Variants in BMPER observed in about 807,000 individuals in gnomAD.
The protein encoded by BMPER is BMP-binding endothelial regulator protein.
In BMPER, 45 loss-of-function variants were observed where a neutral mutation model predicts 87.3. The ratio of observed to expected loss-of-function variants is 0.52; its 90% confidence interval spans 0.41 to 0.66. The LOEUF (loss-of-function observed/expected upper bound fraction) is 0.66. BMPER is among the 30% of genes least tolerant of loss of function. The pLI is 0.00. For synonymous variants in BMPER, 326 were observed against 316.2 expected (o/e 1.03, Z -0.33); for missense variants, 784 against 867.5 (o/e 0.90, Z 1.21).
intron 11 of BMPER, among the ~76,000 whole-genome samples, chr7:34,069,449 A>G (rs1056648794): frequency 6.6e-6 from 1 of 152,232 alleles, no homozygotes; most frequent in Non-Finnish European, 1.5e-5. Flanking sequence ...AGTCCATATC[A>G]GTCAGGTATT....
intron 13 of BMPER, among the ~76,000 whole-genome samples, chr7:34,089,256 A>G (rs1475873755): frequency 2.6e-5 from 4 of 152,140 alleles, no homozygotes; most frequent in Non-Finnish European, 5.9e-5. Flanking sequence ...AACACACCCA[A>G]ATAACTTTCT....
intron 6 of BMPER, among the ~76,000 whole-genome samples, chr7:34,030,132 A>G (rs1200706943): frequency 6.6e-6 from 1 of 152,084 alleles, no homozygotes; most frequent in Admixed American, 6.5e-5. Flanking sequence ...TTTGAAGACC[A>G]TATTATTTGA....
chr7:34,009,435 C>G (rs1786820900), intron 6 of BMPER, among the ~76,000 whole-genome samples: 1 of 151,862 alleles, frequency 6.6e-6, no homozygotes, highest in Non-Finnish European at 1.5e-5. Flanking sequence ...GGGGAAGAGT[C>G]TCCACTTGTT....
chr7:34,034,605 G>A (rs1200419167), intron 6 of BMPER, among the ~76,000 whole-genome samples: 2 of 152,204 alleles, frequency 1.3e-5, no homozygotes, highest in Admixed American at 1.3e-4. Context: ...AGTGGCAAGG[G>A]CCAATATCAC....
chr7:34,054,897 C>T (rs937010967), intron 8 of BMPER, among the ~76,000 whole-genome samples: 3 of 152,118 alleles, frequency 2.0e-5, no homozygotes, highest in African/African-American at 7.2e-5. Context: ...GGAGTGGGCT[C>T]ATCAGTCTCT....
At chr7:34,078,490 GTTTA>G (rs1788923945) in intron 11 of BMPER, among the ~76,000 whole-genome samples, 1 of 152,060 alleles carries the variant, frequency 6.6e-6, no homozygotes, top group Non-Finnish European at 1.5e-5. Flanking sequence ...GCTCCCATTT[GTTTA>G]TTTATATACT....
At chr7:34,070,503 A>G (rs1788709020) in intron 11 of BMPER, among the ~76,000 whole-genome samples, 1 of 152,044 alleles carries the variant, frequency 6.6e-6, no homozygotes, top group African/African-American at 2.4e-5. Context: ...TGTAATCTCC[A>G]TCTCTCTTCT....
intron 14 of BMPER, among the ~76,000 whole-genome samples, chr7:34,149,362 G>A (rs979284972): frequency 1.3e-5 from 2 of 152,286 alleles, no homozygotes; most frequent in Middle Eastern, 3.4e-3. Flanking sequence ...TAACTATAAC[G>A]TTAAAAGTAC....
chr7:34,047,122 C>G (rs914337962), intron 7 of BMPER, among the ~76,000 whole-genome samples: 1 of 152,090 alleles, frequency 6.6e-6, no homozygotes, highest in African/African-American at 2.4e-5. Context: ...CTGAGCCCAG[C>G]TCTAACCTGC....
At chr7:34,024,357 CAAAAAAAAAAA>C (rs1169634357) in intron 6 of BMPER, among the ~76,000 whole-genome samples, 1 of 4,654 alleles carries the variant, frequency 2.1e-4, no homozygotes. Flanking sequence ...AACTCTGTCT[CAAAAAAAAAAA>C]AAAAAAAAAA....
intron 4 of BMPER, among the ~76,000 whole-genome samples, chr7:33,969,086 C>T (rs934607569): frequency 6.6e-6 from 1 of 152,132 alleles, no homozygotes; most frequent in Non-Finnish European, 1.5e-5. Context: ...AAACCTCAGG[C>T]CTGACATGAT....
chr7:34,007,488 C>T (rs534261017), intron 6 of BMPER, among the ~76,000 whole-genome samples: 21 of 152,008 alleles, frequency 1.4e-4, no homozygotes, highest in African/African-American at 4.6e-4. Context: ...CACAGATGGT[C>T]CATGCATTTA....
intron 14 of BMPER, among the ~76,000 whole-genome samples, chr7:34,152,338 GA>G (rs1329849052): frequency 6.6e-6 from 1 of 152,162 alleles, no homozygotes; most frequent in East Asian, 1.9e-4. Flanking sequence ...AACTCAGATG[GA>G]AAAGGCTGTG....
intron 13 of BMPER, among the ~76,000 whole-genome samples, chr7:34,100,413 T>C (rs994952106): frequency 6.6e-6 from 1 of 152,122 alleles, no homozygotes; most frequent in African/African-American, 2.4e-5. Flanking sequence ...TAGGAGGCAG[T>C]TGGCCCAGAG....
intron 13 of BMPER, among the ~76,000 whole-genome samples, chr7:34,116,146 G>T (rs1000776662): frequency 1.3e-5 from 2 of 152,164 alleles, no homozygotes; most frequent in African/African-American, 4.8e-5. Context: ...GTTGATAAAA[G>T]AATGAGATAA....
intron 12 of BMPER, among the ~76,000 whole-genome samples, chr7:34,080,631 T>C (rs903635523): frequency 7.9e-5 from 12 of 152,156 alleles, no homozygotes; most frequent in African/African-American, 2.9e-4. Flanking sequence ...GGAGGCAAAG[T>C]TTTTTGGCTC....
chr7:34,128,035 T>A (rs565132616), intron 13 of BMPER, among the ~76,000 whole-genome samples: 1 of 152,336 alleles, frequency 6.6e-6, no homozygotes, highest in South Asian at 2.1e-4. Flanking sequence ...TAGTTTGGCA[T>A]ACAAGGAAGT....
chr7:34,005,759 A>G (rs1297272468), intron 6 of BMPER, among the ~76,000 whole-genome samples: 2 of 151,996 alleles, frequency 1.3e-5, no homozygotes, highest in African/African-American at 2.4e-5. Flanking sequence ...TTATGGAGGA[A>G]TGGCTTTTTG....
chr7:34,066,637 T>C (rs1788600714), intron 11 of BMPER, among the ~76,000 whole-genome samples: 1 of 152,228 alleles, frequency 6.6e-6, no homozygotes. Flanking sequence ...GCATTTTGTT[T>C]ATGCAAAATG....
Sources: allele counts gnomAD v4.1 joint callset (sites outside exome capture counted in the v4.1 genomes callset), GRCh38; gene constraint gnomAD v4.1.1; transcripts MANE v1.5; gene names NCBI Gene and HGNC (gene_info 2026-07-23, HGNC 2026-07-21).